CSMD1: variants seen among roughly 807,000 people sequenced by gnomAD.
CSMD1 encodes CUB and Sushi multiple domains 1.
CSMD1 carries 213 observed loss-of-function variants against 417.5 expected under a neutral mutation model. The ratio of observed to expected loss-of-function variants is 0.51; its 90% CI spans 0.46 to 0.57. The LOEUF is 0.57. CSMD1 is among the 20% of genes least tolerant of loss of function. The pLI, the probability that CSMD1 is intolerant of heterozygous loss-of-function variation, is 0.00. For synonymous variants in CSMD1, 2,862 were observed against 1,736.8 expected, an observed-to-expected ratio of 1.65 and a Z score of -16.11; for missense variants, 6,923 against 4,529.7, an observed-to-expected ratio of 1.53 and a Z score of -15.17.
At chr8:3,550,958 A>G in intron 10 of CSMD1, among the ~76,000 whole-genome samples, 1 of 152,098 alleles carries the variant, frequency 6.6e-6, no homozygotes, top group South Asian at 2.1e-4. Flanking sequence ...ATGACAAACC[A>G]CTACTCAACT....
chr8:4,392,901 G>A (rs7829894), intron 3 of CSMD1, among the ~76,000 whole-genome samples: 30,827 of 151,500 alleles, frequency 0.2, 3,461 homozygotes, highest in East Asian at 0.31. Flanking sequence ...CCCAGGAGAC[G>A]GAGCTTGCAG....
chr8:4,243,359 G>A (rs990114442), intron 3 of CSMD1, among the ~76,000 whole-genome samples: 3 of 152,058 alleles, frequency 2.0e-5, no homozygotes, highest in Non-Finnish European at 2.9e-5. Context: ...ATGCAATGCC[G>A]AGAGGGGCCC....
At chr8:2,940,645 C>T (rs1403543249) in intron 69 of CSMD1, among the ~76,000 whole-genome samples, 8 of 152,104 alleles carry the variant, frequency 5.3e-5, no homozygotes, top group Non-Finnish European at 7.4e-5. Flanking sequence ...TGGATATAGC[C>T]CCCAATGCTA....
At chr8:3,561,601 A>G (rs1430835061) in intron 10 of CSMD1, among the ~76,000 whole-genome samples, 2 of 152,160 alleles carry the variant, frequency 1.3e-5, no homozygotes, top group Admixed American at 1.3e-4. Context: ...GATGGCAACA[A>G]CAGACACTGG....
chr8:4,885,034 T>C (rs893165929), intron 1 of CSMD1, among the ~76,000 whole-genome samples: 2 of 152,126 alleles, frequency 1.3e-5, no homozygotes, highest in African/African-American at 4.8e-5. Flanking sequence ...CAATATTTTG[T>C]TTTCAGAGTA....
intron 3 of CSMD1, among the ~76,000 whole-genome samples, chr8:4,372,354 G>A (rs1050287434): frequency 6.6e-5 from 10 of 152,086 alleles, no homozygotes; most frequent in African/African-American, 2.4e-4. Flanking sequence ...AACGCTTAGT[G>A]TTTCCTTCCA....
intron 23 of CSMD1, among the ~76,000 whole-genome samples, chr8:3,336,242 A>C (rs1368855277): frequency 6.6e-6 from 1 of 152,118 alleles, no homozygotes; most frequent in Non-Finnish European, 1.5e-5. Flanking sequence ...AATACATGCT[A>C]ATCAGTCCCT....
intron 1 of CSMD1, among the ~76,000 whole-genome samples, chr8:4,723,125 C>T (rs1317422143): frequency 1.3e-5 from 2 of 152,192 alleles, no homozygotes; most frequent in South Asian, 2.1e-4. Flanking sequence ...ACACCTAACA[C>T]CATTAAAATC....
chr8:3,568,440 A>T (rs1799809810), intron 10 of CSMD1, among the ~76,000 whole-genome samples: 1 of 152,194 alleles, frequency 6.6e-6, no homozygotes, highest in African/African-American at 2.4e-5. Flanking sequence ...TAAACAAAGA[A>T]CAAATCAGTA....
chr8:3,949,347 C>T (rs1353178780), intron 5 of CSMD1, among the ~76,000 whole-genome samples: 2 of 152,106 alleles, frequency 1.3e-5, no homozygotes, highest in South Asian at 2.1e-4. Flanking sequence ...CCAAGATCTC[C>T]CCAACACCTC....
chr8:4,438,346 G>A (rs1436965317), intron 2 of CSMD1, among the ~76,000 whole-genome samples: 1 of 152,192 alleles, frequency 6.6e-6, no homozygotes, highest in East Asian at 1.9e-4. Flanking sequence ...TCTGAACTCT[G>A]TCCTGCATCA....
At chr8:4,415,674 C>G (rs570919077) in intron 3 of CSMD1, among the ~76,000 whole-genome samples, 2 of 152,298 alleles carry the variant, frequency 1.3e-5, no homozygotes, top group African/African-American at 4.8e-5. Context: ...TATTGTGTCT[C>G]TGGTAGAGGC....
intron 3 of CSMD1, among the ~76,000 whole-genome samples, chr8:4,043,163 CA>C (rs1383953855): frequency 6.6e-6 from 1 of 151,960 alleles, no homozygotes. Context: ...AAAAAAGCAG[CA>C]GTATAACATC....
chr8:3,842,721 G>A (rs1180467694), intron 5 of CSMD1, among the ~76,000 whole-genome samples: 3 of 151,896 alleles, frequency 2.0e-5, no homozygotes, highest in Non-Finnish European at 4.4e-5. Flanking sequence ...TGCAAAAAAT[G>A]TGTCAAGATT....
rs567043687 is a variant in CSMD1 at position 4,154,202 on chromosome 8, G to T, written c.416-122103C>A. Among the ~76,000 whole-genome samples the T allele has an allele frequency of 3.9e-5, 6 of 152,176 alleles. No homozygotes were observed. In the South Asian group the frequency reaches 1.2e-3, roughly 32 times the overall value. ...TAACCTTAGATGCCACATCTATTCA[G>T]GAAGAATAATATCAAGGTTAGTGTA... On this transcript the variant is annotated intron_variant, in intron 3 of 69. Coordinates refer to ENST00000635120, the MANE Select transcript of CSMD1 (RefSeq NM_033225.6).
At chr8:4,332,547 T>TCACACACA (rs1273333069) in intron 3 of CSMD1, among the ~76,000 whole-genome samples, 1 of 111,534 alleles carries the variant, frequency 9.0e-6, no homozygotes, top group African/African-American at 3.2e-5. Context: ...TGTCATGATA[T>TCACACACA]CACATACACA....
intron 1 of CSMD1, among the ~76,000 whole-genome samples, chr8:4,983,059 GA>G (rs1231388840): frequency 2.0e-5 from 3 of 151,948 alleles, no homozygotes; most frequent in Non-Finnish European, 4.4e-5. Flanking sequence ...GTCACCAGAA[GA>G]AAAAAATGCA....
rs563138383 is a variant in CSMD1, at chr8:3,086,273, C to T, written c.7474+824G>A. ...CTCTATGTTTATTTTACATTAAATA[C>T]GAATTTTTAGAGGTAAAACATAAAT... On this transcript the variant is annotated intron_variant, in intron 49 of 69. Transcript: ENST00000635120. Among the ~76,000 whole-genome samples, 18 of 152,130 alleles carry T rather than the reference C, an allele frequency of 1.2e-4. No homozygotes were observed. The South Asian group carries it at 1.9e-3, about 16-fold the overall frequency.
At chr8:3,776,876 G>C (rs146952388) in intron 5 of CSMD1, among the ~76,000 whole-genome samples, 167 of 148,900 alleles carry the variant, frequency 1.1e-3, no homozygotes, top group African/African-American at 3.7e-3. Flanking sequence ...ATAGCTGATA[G>C]ATATAACTTT....
Sources: gnomAD v4.1 joint callset for allele counts (sites outside exome capture counted in the v4.1 genomes callset) on GRCh38, gnomAD v4.1.1 for gene constraint, MANE v1.5 for transcripts, NCBI Gene and HGNC (gene_info 2026-07-23, HGNC 2026-07-21) for gene names.